Variants in THUMPD2 observed in about 807,000 individuals in gnomAD.
The protein encoded by THUMPD2 is THUMP domain 2 tRNA and snRNA guanosine methyltransferase.
THUMPD2 carries 56 observed loss-of-function variants against 49.4 expected under a neutral mutation model. That is an observed-to-expected ratio of 1.13 (90% confidence interval 0.91 to 1.41). The LOEUF is 1.41. Ranked by LOEUF, THUMPD2 falls within the 40% of genes most tolerant of loss-of-function variation. The pLI is 0.00. For missense variants in THUMPD2, 709 were observed against 594.5 expected, an observed-to-expected ratio of 1.19 and a Z score of -2.00; for synonymous variants, 237 against 205.2, an observed-to-expected ratio of 1.15 and a Z score of -1.32.
Position 39,769,943 on chromosome 2 carries a change from A to T in THUMPD2, c.439T>A (p.Leu147Ile). 6.4e-7 allele frequency: 1 copy of T among 1,571,712 alleles called. No homozygotes were observed. Among genetic ancestry groups the T allele is most frequent in the South Asian group, 1.2e-5 (1 of 81,968 alleles). ...VGENEIIAKK[L>I]KIEQMQKIEE... Reference sequence around the variant, plus strand: ...ATCTTTTGCATTTGTTCTATTTTTAATTTCTTTGCAATGATTTCATTTTCT... The same window carrying T: ...ATCTTTTGCATTTGTTCTATTTTTATTTTCTTTGCAATGATTTCATTTTCT... Residue 147 changes from leucine to isoleucine, a missense_variant, in exon 3 of 10, where the codon TTA becomes ATA. By Grantham distance (5) the Leu-to-Ile change is conservative. Coordinates refer to ENST00000505747, the MANE Select transcript of THUMPD2 (RefSeq NM_025264.5).
At position 39,736,653 on chromosome 2, in the gene THUMPD2, C is replaced by T. The variant is rs1257250496; in HGVS notation, c.*82G>A. The T allele has an allele frequency of 2.3e-6, 3 of 1,291,146 alleles. No homozygotes were observed. The highest frequency in any genetic ancestry group is 2.5e-4 in the Middle Eastern group (1 of 4,038). The allele number at this position is 1,291,146 out of a possible 1,614,324, so 80.0% of individuals were successfully genotyped here. On this transcript the variant is annotated 3_prime_UTR_variant, in exon 10 of 10. Coordinates refer to ENST00000505747, the MANE Select transcript of THUMPD2 (RefSeq NM_025264.5). The stretch of plus-strand genomic sequence containing the variant: ...TTGGTTACTTGGAGCTCTGTGGGTG[C>T]TATATGAATCCTAGAGACAGCAAAC...
intron 5 of THUMPD2, among the ~76,000 whole-genome samples, chr2:39,765,072 T>G (rs879745662): frequency 6.6e-6 from 1 of 152,194 alleles, no homozygotes; most frequent in African/African-American, 2.4e-5. Flanking sequence ...TTTTTATATA[T>G]AATAATTTAA....
intron 1 of THUMPD2, among the ~76,000 whole-genome samples, chr2:39,775,640 G>A (rs1272735525): frequency 3.3e-5 from 5 of 151,644 alleles, no homozygotes; most frequent in African/African-American, 1.2e-4. Context: ...CTGGGCACCT[G>A]TAATCCCAGC....
intron 4 of THUMPD2, 131 bp downstream of exon 4, chr2:39,768,293 T>C (rs1029601894): frequency 6.3e-5 from 46 of 728,060 alleles, no homozygotes; most frequent in Non-Finnish European, 1.0e-4. Flanking sequence ...AAAGATAAAA[T>C]GGACTGTTGG....
chr2:39,740,371 G>GA (rs1013551842), intron 9 of THUMPD2, among the ~76,000 whole-genome samples: 5 of 152,002 alleles, frequency 3.3e-5, no homozygotes, highest in Non-Finnish European at 5.9e-5. Flanking sequence ...TTGTTGAGTA[G>GA]AAAAAAAGCA....
At chr2:39,759,434 T>G (rs566596989) in intron 6 of THUMPD2, among the ~76,000 whole-genome samples, 26 of 152,130 alleles carry the variant, frequency 1.7e-4, no homozygotes, top group Non-Finnish European at 3.5e-4. Flanking sequence ...TCATTTAATC[T>G]TGTCATGATC....
intron 4 of THUMPD2, 70 bp downstream of exon 4, chr2:39,768,354 A>G (rs1462751640): frequency 3.9e-6 from 5 of 1,272,006 alleles, no homozygotes; most frequent in Non-Finnish European, 4.5e-6. Context: ...GAAAAGTATG[A>G]TAAGAATACA....
In THUMPD2 at chr2:39,776,715, C is replaced by T. The variant is rs182880519; in HGVS notation, c.126+2399G>A. On this transcript the variant is annotated intron_variant, in intron 1 of 9. Coordinates refer to ENST00000505747, the MANE Select transcript of THUMPD2 (RefSeq NM_025264.5). ...TGGATTCGGCATACTATTTTGTTTA[C>T]TTTTGTATATTTTTGAAATTCTCCA... Among the ~76,000 whole-genome samples, 277 of 152,212 alleles carry T rather than the reference C, an allele frequency of 1.8e-3. 2 individuals are homozygous for T. The highest frequency in any genetic ancestry group is 6.3e-3 in the African/African-American group (262 of 41,526).
At chr2:39,744,936 A>G (rs894795578) in intron 8 of THUMPD2, among the ~76,000 whole-genome samples, 3 of 152,190 alleles carry the variant, frequency 2.0e-5, no homozygotes, top group African/African-American at 7.2e-5. Context: ...TTGGAAGGTT[A>G]AGAATATCTA....
intron 8 of THUMPD2, among the ~76,000 whole-genome samples, chr2:39,746,164 T>G (rs892410833): frequency 6.6e-6 from 1 of 152,170 alleles, no homozygotes; most frequent in Non-Finnish European, 1.5e-5. Context: ...GACAGCCAGG[T>G]GGAAACCAGT....
rs561334002 is a variant in THUMPD2 at position 39,764,195 on chromosome 2, A to C, written c.803+1862T>G. Among the ~76,000 whole-genome samples, 4 of 152,314 alleles carry C rather than the reference A, an allele frequency of 2.6e-5. No individual in the cohort carries two copies. The East Asian group carries it at 7.7e-4, about 29-fold the overall frequency. ...GCATTTATCACAGATCTGTGCTAACACTGGATTGAACTGTTTCAAAAGTTG... is the reference window on the plus strand; with the variant it reads ...GCATTTATCACAGATCTGTGCTAACCCTGGATTGAACTGTTTCAAAAGTTG... On this transcript the variant is annotated intron_variant, in intron 5 of 9. Transcript: ENST00000505747.
At chr2:39,762,618 G>A (rs1289085520) in intron 5 of THUMPD2, among the ~76,000 whole-genome samples, 2 of 151,542 alleles carry the variant, frequency 1.3e-5, no homozygotes. Flanking sequence ...GATGTAAACT[G>A]GCAGGTAGAA....
rs2148135100 is a variant in THUMPD2 at position 39,736,198 on chromosome 2, G to A, written c.*537C>T. 6.6e-6 allele frequency: 1 copy of A among 152,308 alleles called. No homozygotes were observed. The highest frequency in any genetic ancestry group is 6.5e-5 in the Admixed American group (1 of 15,292). The allele number at this position is 152,308 out of a possible 1,614,324, so 9.4% of individuals were successfully genotyped here. A position where few individuals can be genotyped will look rare whatever the true frequency, so the allele number is the denominator to read the frequency against. ...CAAATTTCATTTTCCATCATGTTTT[G>A]AAGGATACTGGCTTAATTCAGTTAT... On this transcript the variant is annotated 3_prime_UTR_variant, in exon 10 of 10. Coordinates refer to ENST00000505747, the MANE Select transcript of THUMPD2 (RefSeq NM_025264.5).
At chr2:39,741,287 A>G (rs1319685296) in intron 9 of THUMPD2, among the ~76,000 whole-genome samples, 1 of 152,186 alleles carries the variant, frequency 6.6e-6, no homozygotes, top group African/African-American at 2.4e-5. Context: ...TTAACCACCT[A>G]CTATAAATCC....
chr2:39,744,447 A>G lies in THUMPD2; in HGVS notation c.1110T>C (p.Ile370=), dbSNP rs1674308019. Residue 370 remains isoleucine (I), a synonymous_variant, in exon 9 of 10, where the codon ATT becomes ATC. Transcript: ENST00000505747. Reference sequence around the variant, plus strand: ...TCCCAAATGGAATGTCAGAAATAATAATATCAACACTTTCTGAAGGCAATG... The same window carrying G: ...TCCCAAATGGAATGTCAGAAATAATGATATCAACACTTTCTGAAGGCAATG... The part of the protein sequence containing the change: ...ELPLPSESVD[I]IISDIPFGKK... The G allele has an allele frequency of 6.3e-7, 1 of 1,587,338 alleles. No homozygotes were observed. Among genetic ancestry groups the G allele is most frequent in the Non-Finnish European group, 8.5e-7 (1 of 1,170,324 alleles).
rs1678094331 is a variant in THUMPD2 at position 39,769,965 on chromosome 2, T to C, written c.417A>G (p.Glu139=). 1 of 1,582,182 alleles carries C rather than the reference T, an allele frequency of 6.3e-7. No homozygotes were observed. The highest frequency in any genetic ancestry group is 1.9e-5 in the Admixed American group (1 of 51,340). ...DDNQLKRKVG[E]NEIIAKKLKI... is the part of the protein sequence containing the mutation. The stretch of plus-strand genomic sequence containing the variant: ...TTAATTTCTTTGCAATGATTTCATT[T>C]TCTCCCACTTTTCTTTTTAGTTGGT... The change falls in exon 3 of 10, where the codon GAA becomes GAG. Residue 139 remains glutamate, a synonymous_variant. Coordinates refer to ENST00000505747, the MANE Select transcript of THUMPD2 (RefSeq NM_025264.5).
chr2:39,761,390 T>C lies in THUMPD2; in HGVS notation c.832A>G (p.Lys278Glu), dbSNP rs1257415471. The C allele has an allele frequency of 6.2e-7, 1 of 1,613,730 alleles. No homozygotes were observed. The highest frequency in any genetic ancestry group is 1.3e-5 in the African/African-American group (1 of 74,910). ...RVSLASRAYI[K>E]TAGLRSTIAW... The stretch of plus-strand genomic sequence containing the variant: ...ATTGTAGATCGCAGTCCAGCTGTCT[T>C]GATGTAAGCTCTGCTGGCTAGGGAA... Residue 278 changes from lysine (K) to glutamate (E), a missense_variant, in exon 6 of 10, where the codon AAG becomes GAG. Physicochemically the swap from Lys to Glu is moderately conservative, Grantham distance 56 (BLOSUM62 1). Coordinates refer to ENST00000505747, the MANE Select transcript of THUMPD2 (RefSeq NM_025264.5).
intron 5 of THUMPD2, among the ~76,000 whole-genome samples, chr2:39,762,206 G>C (rs1345479308): frequency 1.3e-5 from 2 of 152,132 alleles, no homozygotes; most frequent in Admixed American, 6.6e-5. Flanking sequence ...ATGATGTCAA[G>C]AATTTGTGTG....
chr2:39,755,552 T>A (rs1675988239), intron 7 of THUMPD2, 143 bp from the exon 8 acceptor site: 3 of 589,356 alleles, frequency 5.1e-6, no homozygotes, highest in Non-Finnish European at 5.7e-6. Context: ...GGTATTCTTT[T>A]AAAATCATAG....
Sources: gnomAD v4.1 joint callset for allele counts (sites outside exome capture counted in the v4.1 genomes callset) on GRCh38, gnomAD v4.1.1 for gene constraint, MANE v1.5 for transcripts, NCBI Gene and HGNC (gene_info 2026-07-23, HGNC 2026-07-21) for gene names.